Variants in NEK11 observed in about 807,000 individuals in gnomAD.
The protein encoded by NEK11 is serine/threonine-protein kinase Nek11.
In NEK11, 72 loss-of-function variants were observed where a neutral mutation model predicts 80.7. That is an observed-to-expected ratio of 0.89 (90% CI 0.74 to 1.08). NEK11 has a LOEUF of 1.08. Ranked by LOEUF, NEK11 falls within the 50% of genes least tolerant of loss-of-function variation. The probability of loss-of-function intolerance (pLI) is 0.00; values close to 1 mark genes in which losing one functional copy is unlikely to be tolerated. For missense variants in NEK11, 764 were observed against 763.6 expected (o/e 1.00, Z -0.01); for synonymous variants, 251 against 260.7 (o/e 0.96, Z 0.36).
chr3:131,098,380 T>A (rs984888826), intron 4 of NEK11, among the ~76,000 whole-genome samples: 3 of 152,042 alleles, frequency 2.0e-5, no homozygotes, highest in Non-Finnish European at 4.4e-5. Flanking sequence ...CCTACAAAAT[T>A]GGAGAAAATT....
At chr3:131,172,975 G>C (rs1364629356) in intron 14 of NEK11, among the ~76,000 whole-genome samples, 1 of 152,138 alleles carries the variant, frequency 6.6e-6, no homozygotes, top group African/African-American at 2.4e-5. Context: ...CACCAGCACC[G>C]TGACAGTTTA....
chr3:131,162,451 G>A lies in NEK11; in HGVS notation c.1006G>A (p.Val336Ile). 6.2e-7 allele frequency: 1 copy of A among 1,614,126 alleles called. No individual in the cohort carries two copies. Among genetic ancestry groups the A allele is most frequent in the South Asian group, 1.1e-5 (1 of 91,088 alleles). The change falls in exon 11 of 18, where the codon GTA (valine) becomes ATA (isoleucine). Residue 336 changes from valine (V) to isoleucine (I), a missense_variant. Val to Ile is a conservative substitution (Grantham distance 29). Transcript: ENST00000383366. ...HLQTLRALSE[V>I]QKMTPRERMR... ...GCAGACTCTGAGGGCACTGTCAGAA[G>A]TACAGAAAATGACGCCAAGAGAAAG...
chr3:131,156,213 T>C (rs1280006117), intron 10 of NEK11, among the ~76,000 whole-genome samples: 2 of 152,170 alleles, frequency 1.3e-5, no homozygotes, highest in Admixed American at 1.3e-4. Context: ...TATGACTATG[T>C]TTCAAGGAGA....
chr3:131,104,238 A>T (rs148500065), intron 4 of NEK11, among the ~76,000 whole-genome samples: 5 of 152,202 alleles, frequency 3.3e-5, no homozygotes, highest in African/African-American at 1.2e-4. Flanking sequence ...AGGGCCTGTC[A>T]GTTGTCTCTG....
rs1205132015 is a variant in NEK11, at chr3:131,192,086, A to G, written c.1399+21199A>G. Among the ~76,000 whole-genome samples, 24 of 152,178 alleles carry G rather than the reference A, an allele frequency of 1.6e-4. 1 individual carries two copies. Among genetic ancestry groups the G allele is most frequent in the Admixed American group, 1.6e-3 (24 of 15,268 alleles). Reference sequence around the variant, plus strand: ...CAGAATATATAAAGAACTCTTGAAAACAACAACAAATCAAACAGCCCAATT... The same window carrying G: ...CAGAATATATAAAGAACTCTTGAAAGCAACAACAAATCAAACAGCCCAATT... On this transcript the variant is annotated intron_variant, in intron 14 of 17. Coordinates refer to ENST00000383366, the MANE Select transcript of NEK11 (RefSeq NM_024800.5).
intron 7 of NEK11, among the ~76,000 whole-genome samples, chr3:131,136,087 A>G (rs527814205): frequency 2.3e-4 from 35 of 152,176 alleles, no homozygotes; most frequent in Admixed American, 1.0e-3. Flanking sequence ...AACCTCCAAA[A>G]TATACAAAGC....
At chr3:131,125,469 T>C (rs1343498662) in intron 5 of NEK11, among the ~76,000 whole-genome samples, 3 of 152,218 alleles carry the variant, frequency 2.0e-5, no homozygotes, top group South Asian at 2.1e-4. Context: ...GAGAGAGATA[T>C]TTCCTTATGA....
At chr3:131,104,839 T>C (rs1381715060) in intron 4 of NEK11, among the ~76,000 whole-genome samples, 3 of 152,034 alleles carry the variant, frequency 2.0e-5, no homozygotes, top group Non-Finnish European at 1.5e-5. Context: ...GCCGGGGGCC[T>C]CTCCTGTGCC....
intron 16 of NEK11, among the ~76,000 whole-genome samples, chr3:131,248,913 T>G (rs926747219): frequency 5.3e-5 from 8 of 152,140 alleles, no homozygotes; most frequent in African/African-American, 1.9e-4. Context: ...TGAATTTCTA[T>G]AAAAGATTGT....
intron 14 of NEK11, among the ~76,000 whole-genome samples, chr3:131,225,824 T>C (rs995770126): frequency 3.3e-5 from 5 of 152,188 alleles, no homozygotes; most frequent in Non-Finnish European, 7.3e-5. Flanking sequence ...GTGTGTCATA[T>C]GTAGTTTGGG....
chr3:131,254,758 A>C (rs1276128426), intron 16 of NEK11, among the ~76,000 whole-genome samples: 1 of 152,128 alleles, frequency 6.6e-6, no homozygotes, highest in Non-Finnish European at 1.5e-5. Flanking sequence ...AGTGGCTCAC[A>C]TCTGTAATCC....
At chr3:131,161,551 G>A (rs984214579) in intron 10 of NEK11, among the ~76,000 whole-genome samples, 1 of 152,094 alleles carries the variant, frequency 6.6e-6, no homozygotes, top group African/African-American at 2.4e-5. Context: ...CAGAGCTGGA[G>A]GCCATTATCC....
chr3:131,222,951 G>A (rs1268341056), intron 14 of NEK11, among the ~76,000 whole-genome samples: 4 of 152,186 alleles, frequency 2.6e-5, no homozygotes, highest in East Asian at 1.9e-4. Context: ...TGATGTCTTC[G>A]TTTTTCCAGC....
intron 7 of NEK11, among the ~76,000 whole-genome samples, chr3:131,146,496 C>G (rs949294099): frequency 3.9e-5 from 6 of 152,052 alleles, no homozygotes; most frequent in African/African-American, 1.4e-4. Context: ...TGTAACTCTA[C>G]TATTCTGTGT....
Position 131,162,415 on chromosome 3 carries a change from A to G in NEK11, c.970A>G (p.Arg324Gly). 1 of 1,612,980 alleles carries G rather than the reference A, an allele frequency of 6.2e-7. No homozygotes were observed. The highest frequency in any genetic ancestry group is 8.5e-7 in the Non-Finnish European group (1 of 1,179,606). Residue 324 changes from arginine (R) to glycine (G), a missense_variant, in exon 11 of 18, where the codon AGG (arginine) becomes GGG (glycine). Coordinates refer to ENST00000383366, the MANE Select transcript of NEK11 (RefSeq NM_024800.5). Reference sequence around the variant, plus strand: ...AATCTTTGTTATTTATAGGCAAAAAAGGATCCACCTGCAGACTCTGAGGGC... The same window carrying G: ...AATCTTTGTTATTTATAGGCAAAAAGGGATCCACCTGCAGACTCTGAGGGC... ...AAHIINAMQKRIHLQTLRALS... is the reference protein window; with the variant it reads ...AAHIINAMQKGIHLQTLRALS...
At chr3:131,292,163 T>G (rs886064582) in intron 17 of NEK11, among the ~76,000 whole-genome samples, 14 of 152,212 alleles carry the variant, frequency 9.2e-5, no homozygotes, top group Admixed American at 4.6e-4. Flanking sequence ...CCAGCACCAT[T>G]TATTGAAAAG....
chr3:131,268,292 C>T (rs1294873391), intron 16 of NEK11, among the ~76,000 whole-genome samples: 2 of 152,174 alleles, frequency 1.3e-5, no homozygotes, highest in Non-Finnish European at 2.9e-5. Context: ...AGCTCATTCT[C>T]CCTCCAATTT....
intron 14 of NEK11, among the ~76,000 whole-genome samples, chr3:131,188,589 A>G (rs2093680188): frequency 6.6e-6 from 1 of 152,066 alleles, no homozygotes; most frequent in African/African-American, 2.4e-5. Context: ...GTACCATTAT[A>G]TCCTTGCACT....
At chr3:131,214,695 ATGTGTGTGTGTGTGTGTG>A (rs57370577) in intron 14 of NEK11, among the ~76,000 whole-genome samples, 6 of 147,562 alleles carry the variant, frequency 4.1e-5, no homozygotes, top group Non-Finnish European at 9.0e-5. Context: ...ATGTGCGTGC[ATGTGTGTGTGTGTGTGTG>A]TGTGTGTGTG....
Sources: gnomAD v4.1 joint callset for allele counts (sites outside exome capture counted in the v4.1 genomes callset) on GRCh38, gnomAD v4.1.1 for gene constraint, MANE v1.5 for transcripts, NCBI Gene and HGNC (gene_info 2026-07-23, HGNC 2026-07-21) for gene names.